TSBP1: variants seen among roughly 807,000 people sequenced by gnomAD.
TSBP1 encodes testis expressed basic protein 1.
A neutral mutation model predicts 68.8 loss-of-function variants in TSBP1; 56 were observed. That is an observed-to-expected ratio of 0.81 (90% confidence interval 0.66 to 1.02). The LOEUF (loss-of-function observed/expected upper bound fraction) is 1.02, where lower values mean the gene tolerates loss of function less well. Ranked by LOEUF, TSBP1 falls within the 50% of genes least tolerant of loss-of-function variation. The pLI is 0.00. For missense variants in TSBP1, 502 were observed against 641.2 expected, an observed-to-expected ratio of 0.78 and a Z score of 2.34; for synonymous variants, 171 against 208.7, an observed-to-expected ratio of 0.82 and a Z score of 1.56.
chr6:32,360,004 C>T (rs6904636), intron 6 of TSBP1, among the ~76,000 whole-genome samples: 72,470 of 151,922 alleles, frequency 0.48, 18,620 homozygotes, highest in Middle Eastern at 0.6. Flanking sequence ...AGCTAATTAA[C>T]ATATCTACCA....
chr6:32,370,782 A>G (rs1241227079), intron 1 of TSBP1, among the ~76,000 whole-genome samples: 1 of 151,968 alleles, frequency 6.6e-6, no homozygotes, highest in Non-Finnish European at 1.5e-5. Context: ...GTCATAGGAG[A>G]GAAAAATCTT....
At chr6:32,310,312 A>C (rs928312101) in intron 19 of TSBP1, among the ~76,000 whole-genome samples, 1 of 152,080 alleles carries the variant, frequency 6.6e-6, no homozygotes, top group African/African-American at 2.4e-5. Flanking sequence ...TTCAGCTTTC[A>C]GTGGACCATT....
At position 32,304,273 on chromosome 6, in the gene TSBP1, C is replaced by T. The variant is rs1442885728; in HGVS notation, c.581-1644G>A. 2.0e-5 allele frequency among the ~76,000 whole-genome samples: 3 copies of T among 152,052 alleles called. No homozygotes were observed. The highest frequency in any genetic ancestry group is 2.9e-5 in the Non-Finnish European group (2 of 67,992). On this transcript the variant is annotated intron_variant, in intron 19 of 22. Coordinates refer to ENST00000612031, the Ensembl canonical transcript of TSBP1. This position sits in a 1 kb window ranked among gnomAD's most constrained non-coding sequence, Gnocchi z 4.8. Reference sequence around the variant, plus strand: ...AAAGTGTCAGTGCAAATAAAGGAATCGAGATGCTACAAAAGACCAGAGGAA... The same window carrying T: ...AAAGTGTCAGTGCAAATAAAGGAATTGAGATGCTACAAAAGACCAGAGGAA...
At position 32,321,040 on chromosome 6, in the gene TSBP1, A is replaced by G. The variant is rs1767576246; in HGVS notation, c.559+2077T>C. On this transcript the variant is annotated intron_variant, in intron 18 of 22. Coordinates refer to ENST00000612031, the Ensembl canonical transcript of TSBP1. This position sits in a 1 kb window ranked among gnomAD's most constrained non-coding sequence, Gnocchi z 4.3. Reference sequence around the variant, plus strand: ...CTCATTCTTTTTTTGGCTGCGTAGTATTCCATGGTGTATATGTATCACATT... The same window carrying G: ...CTCATTCTTTTTTTGGCTGCGTAGTGTTCCATGGTGTATATGTATCACATT... Among the ~76,000 whole-genome samples, 1 of 152,136 alleles carries G rather than the reference A, an allele frequency of 6.6e-6. No homozygotes were observed. Among genetic ancestry groups the G allele is most frequent in the South Asian group, 2.1e-4 (1 of 4,830 alleles).
chr6:32,365,455 G>C lies in TSBP1; in HGVS notation c.217+712C>G, dbSNP rs555782297. On this transcript the variant is annotated intron_variant, in intron 6 of 22. Transcript: ENST00000612031. The surrounding 1 kb of genome is among the most constrained non-coding windows in gnomAD (Gnocchi z 4.3). The stretch of plus-strand genomic sequence containing the variant: ...CAGTAGTGCAAGGAGCATAGGTCAC[G>C]CATCTCAAATGGCAGGCTTTCTGAT... 1 of 456,780 alleles carries C rather than the reference G, an allele frequency of 2.2e-6. No homozygotes were observed. Among genetic ancestry groups the C allele is most frequent in the Admixed American group, 2.3e-5 (1 of 42,566 alleles). 28.3% of individuals were successfully genotyped at this position (456,780 alleles called of 1,614,324 possible).
exon 22 of TSBP1, chr6:32,299,924 A>T (rs775162160): frequency 1.2e-6 from 2 of 1,609,596 alleles, no homozygotes; most frequent in Non-Finnish European, 1.7e-6. Flanking sequence ...GAACTTACCC[A>T]CAGGAGTCAG....
chr6:32,330,635 AACACACACAC>A lies in TSBP1; in HGVS notation c.494-36_494-27del, dbSNP rs9279582. The A allele has an allele frequency of 1.1e-3, 1,206 of 1,134,626 alleles. 6 individuals are homozygous for A. The Middle Eastern group carries it at 0.014, about 13-fold the overall frequency. The allele number at this position is 1,134,626 out of a possible 1,614,324, so 70.3% of individuals were successfully genotyped here. ...CTAAAAAATAGAAACAAACAAATTA[AACACACACAC>A]ACACACACACACACACACACACACA... On this transcript the variant is annotated intron_variant, in intron 15 of 22. Coordinates refer to ENST00000612031, the Ensembl canonical transcript of TSBP1.
intron 22 of TSBP1, among the ~76,000 whole-genome samples, chr6:32,295,842 C>CTTTTTTTT (rs535371646): frequency 1.6e-5 from 2 of 125,318 alleles, no homozygotes; most frequent in Non-Finnish European, 3.3e-5. Context: ...AGGAAAATTT[C>CTTTTTTTT]TTTTTTTTTT....
At chr6:32,363,458 GTCTT>G (rs1297012021) in intron 6 of TSBP1, among the ~76,000 whole-genome samples, 9 of 150,120 alleles carry the variant, frequency 6.0e-5, no homozygotes, top group African/African-American at 1.7e-4. Context: ...CTTTCTTCCT[GTCTT>G]TCTTTGTGAT....
chr6:32,335,321 A>C lies in TSBP1; in HGVS notation c.472+116T>G, dbSNP rs911087820. On this transcript the variant is annotated intron_variant, in intron 14 of 22. Transcript: ENST00000612031. This position sits in a 1 kb window ranked among gnomAD's most constrained non-coding sequence, Gnocchi z 5.5. ...ATCTGGAGTACTGGGTGAGATTATG[A>C]GGTGGCAGAAGGACTTGATCCTTGA... 1.1e-6 allele frequency: 1 copy of C among 885,756 alleles called. No individual in the cohort carries two copies. Among genetic ancestry groups the C allele is most frequent in the African/African-American group, 1.8e-5 (1 of 55,802 alleles). The allele number at this position is 885,756 out of a possible 1,614,324, so 54.9% of individuals were successfully genotyped here.
intron 6 of TSBP1, among the ~76,000 whole-genome samples, chr6:32,359,277 TC>T (rs1320623371): frequency 5.3e-5 from 8 of 152,074 alleles, no homozygotes; most frequent in Admixed American, 2.0e-4. Flanking sequence ...GTAAAAGTGT[TC>T]CTGTTTCTCC....
chr6:32,298,317 C>T (rs771418417), intron 22 of TSBP1, among the ~76,000 whole-genome samples: 62 of 152,198 alleles, frequency 4.1e-4, no homozygotes, highest in Non-Finnish European at 7.5e-4. Flanking sequence ...CAGTGGCTCA[C>T]GCCTGTAATC....
intron 8 of TSBP1, among the ~76,000 whole-genome samples, chr6:32,350,774 A>G (rs1771627363): frequency 1.3e-5 from 2 of 152,310 alleles, no homozygotes; most frequent in South Asian, 4.1e-4. Flanking sequence ...AATCACAAAG[A>G]TTTTTAAGAG....
chr6:32,346,480 G>T (rs1479038647), intron 9 of TSBP1, among the ~76,000 whole-genome samples: 1 of 152,044 alleles, frequency 6.6e-6, no homozygotes, highest in East Asian at 1.9e-4. Context: ...AAATTTTCCT[G>T]TATCTTTAAC....
chr6:32,351,322 A>C (rs1771690115), intron 8 of TSBP1, among the ~76,000 whole-genome samples: 1 of 152,136 alleles, frequency 6.6e-6, no homozygotes, highest in Non-Finnish European at 1.5e-5. Context: ...CTTAGGAGCC[A>C]TTATTTGAAG....
intron 19 of TSBP1, among the ~76,000 whole-genome samples, chr6:32,309,452 T>C (rs893363457): frequency 6.6e-6 from 1 of 152,170 alleles, no homozygotes; most frequent in African/African-American, 2.4e-5. Context: ...CTGTGTTTAA[T>C]GAGTTTCTAT....
At chr6:32,320,758 T>C (rs771660731) in intron 18 of TSBP1, among the ~76,000 whole-genome samples, 2 of 152,172 alleles carry the variant, frequency 1.3e-5, no homozygotes, top group Non-Finnish European at 2.9e-5. Context: ...TAAACTTGTG[T>C]CATGGGGGTT....
At chr6:32,369,931 A>G (rs1453506426) in exon 2 of TSBP1, 1 of 1,612,294 alleles carries the variant, frequency 6.2e-7, no homozygotes, top group South Asian at 1.1e-5. Context: ...TTGTTAACAA[A>G]ATAGCCAGGA....
At chr6:32,308,780 A>C (rs1199914030) in intron 19 of TSBP1, among the ~76,000 whole-genome samples, 1 of 151,910 alleles carries the variant, frequency 6.6e-6, no homozygotes, top group Non-Finnish European at 1.5e-5. Flanking sequence ...ATTCAAATGT[A>C]TATATTTAAT....
Sources: gnomAD v4.1 joint callset for allele counts (sites outside exome capture counted in the v4.1 genomes callset) on GRCh38, gnomAD v4.1.1 for gene constraint, Gnocchi (gnomAD v3.1) non-coding constraint, MANE v1.5 for transcripts, NCBI Gene and HGNC (gene_info 2026-07-23, HGNC 2026-07-21) for gene names.